Variants in PTGER3 observed in about 807,000 individuals in gnomAD.
PTGER3 encodes prostaglandin E2 receptor EP3 subtype.
PTGER3 carries 22 observed loss-of-function variants against 34.7 expected under a neutral mutation model. That is an observed-to-expected ratio of 0.63 (90% CI 0.45 to 0.91). The LOEUF (loss-of-function observed/expected upper bound fraction) is 0.91. Among genes scored for constraint, PTGER3 ranks in the 40% least tolerant of loss-of-function variants. The pLI is 0.00. For missense variants in PTGER3, 468 were observed against 519.4 expected (o/e 0.90, Z 0.96); for synonymous variants, 241 against 230.1 (o/e 1.05, Z -0.43).
chr1:70,864,752 A>G (rs1305135550), intron 4 of PTGER3, among the ~76,000 whole-genome samples: 1 of 152,206 alleles, frequency 6.6e-6, no homozygotes, highest in East Asian at 1.9e-4. Context: ...CTGGACAACA[A>G]TTTTATGAGG....
At chr1:70,854,091 C>A (rs1288631740) in intron 4 of PTGER3, among the ~76,000 whole-genome samples, 4 of 152,086 alleles carry the variant, frequency 2.6e-5, no homozygotes, top group Non-Finnish European at 1.5e-5. Context: ...GACACCAAAA[C>A]CACAGGCAAT....
At chr1:71,007,446 C>G in intron 2 of PTGER3, 2 of 985,394 alleles carry the variant, frequency 2.0e-6, no homozygotes, top group Non-Finnish European at 2.4e-6. Context: ...CTTTGACAGA[C>G]AAGACCCCTG....
exon 4 of PTGER3, chr1:70,952,596 T>G: frequency 2.0e-6 from 2 of 1,018,624 alleles, no homozygotes; most frequent in South Asian, 8.9e-5. Flanking sequence ...CTTCCAGAGA[T>G]GCACTGCATT....
At chr1:70,916,625 C>T (rs1452022426) in intron 4 of PTGER3, among the ~76,000 whole-genome samples, 2 of 151,962 alleles carry the variant, frequency 1.3e-5, no homozygotes, top group Non-Finnish European at 2.9e-5. Context: ...AGAATTAACA[C>T]AGGAACAGAA....
intron 2 of PTGER3, among the ~76,000 whole-genome samples, chr1:70,977,288 T>C (rs508513): frequency 0.91 from 138,838 of 152,082 alleles, 63,467 homozygotes; most frequent in East Asian, 0.96. Context: ...CATTTGTGGA[T>C]CCTGTGCCAT....
At chr1:70,924,326 T>G (rs577470980) in intron 4 of PTGER3, among the ~76,000 whole-genome samples, 124 of 152,212 alleles carry the variant, frequency 8.1e-4, no homozygotes, top group Non-Finnish European at 1.7e-3. Context: ...TTGTCTTTAG[T>G]AAAAATGGGA....
chr1:70,871,194 T>C (rs1409975358), intron 4 of PTGER3, among the ~76,000 whole-genome samples: 1 of 152,172 alleles, frequency 6.6e-6, no homozygotes, highest in Non-Finnish European at 1.5e-5. Flanking sequence ...AGGGAGCTTT[T>C]ACTCATGGTG....
intron 2 of PTGER3, among the ~76,000 whole-genome samples, chr1:70,965,309 A>G (rs771035093): frequency 3.3e-5 from 5 of 152,228 alleles, no homozygotes; most frequent in Non-Finnish European, 7.3e-5. Context: ...TTAACAAAAC[A>G]TAACTCTGGC....
chr1:70,905,640 T>C (rs1403407765), intron 4 of PTGER3, among the ~76,000 whole-genome samples: 1 of 152,158 alleles, frequency 6.6e-6, no homozygotes, highest in East Asian at 1.9e-4. Flanking sequence ...TTTGTTTCAT[T>C]GGGAGTGGCT....
intron 2 of PTGER3, among the ~76,000 whole-genome samples, chr1:71,002,591 G>A (rs988710935): frequency 6.6e-6 from 1 of 152,136 alleles, no homozygotes; most frequent in African/African-American, 2.4e-5. Context: ...ATAGTCACAG[G>A]GATATTCAAA....
rs1403490766 is a variant in PTGER3 at position 70,888,933 on chromosome 1, T to C, written c.*24-36074A>G. On this transcript the variant is annotated intron_variant, in intron 4 of 4. Coordinates refer to the PTGER3 transcript ENST00000370931. ...ATAACAATTTGCAGCAGCCCTGAGA[T>C]AGGGTGGGCCATAGTGCACAGCAGG... Among the ~76,000 whole-genome samples, 5 of 152,164 alleles carry C rather than the reference T, an allele frequency of 3.3e-5. No individual in the cohort carries two copies. The East Asian group carries it at 9.6e-4, about 29-fold the overall frequency.
chr1:70,943,517 A>T (rs940629512), intron 4 of PTGER3, among the ~76,000 whole-genome samples: 9 of 152,146 alleles, frequency 5.9e-5, no homozygotes, highest in African/African-American at 2.2e-4. Flanking sequence ...CTGTCAGTAA[A>T]GTTGGTTGTG....
At chr1:71,030,659 A>T (rs1027810719) in intron 1 of PTGER3, among the ~76,000 whole-genome samples, 4 of 152,180 alleles carry the variant, frequency 2.6e-5, no homozygotes, top group Non-Finnish European at 4.4e-5. Context: ...TGGTGAATGG[A>T]ATCATTTAAC....
chr1:71,014,248 C>T (rs1259078333), intron 1 of PTGER3, among the ~76,000 whole-genome samples: 1 of 152,068 alleles, frequency 6.6e-6, no homozygotes, highest in African/African-American at 2.4e-5. Context: ...ATTCAACATC[C>T]CTGAGCATCC....
chr1:70,964,314 G>A (rs1034289102), intron 2 of PTGER3, among the ~76,000 whole-genome samples: 5 of 152,060 alleles, frequency 3.3e-5, no homozygotes, highest in Non-Finnish European at 7.4e-5. Context: ...ATTCTCAGGT[G>A]CCCTTTATAG....
At chr1:70,994,543 C>T (rs934473868) in intron 2 of PTGER3, among the ~76,000 whole-genome samples, 4 of 152,014 alleles carry the variant, frequency 2.6e-5, no homozygotes, top group South Asian at 4.1e-4. Context: ...CTGCAACCTC[C>T]GCCTCCTGGG....
At chr1:70,938,430 A>G (rs1333792408) in intron 4 of PTGER3, among the ~76,000 whole-genome samples, 3 of 152,200 alleles carry the variant, frequency 2.0e-5, no homozygotes, top group East Asian at 1.9e-4. Context: ...AAAATACTCA[A>G]TGATAATGCT....
chr1:70,958,954 T>C (rs1651639600), intron 2 of PTGER3, among the ~76,000 whole-genome samples: 1 of 152,212 alleles, frequency 6.6e-6, no homozygotes. Context: ...CAATGTGTGT[T>C]CTTGGCATCT....
rs921140416 is a variant in PTGER3, at chr1:70,971,659, C to T, written c.*71G>A. ...CAAATTAAAATATATAATTATCCTTCTCAGGTGGGAAGAAATATGCAAATT... is the reference window on the plus strand; with the variant it reads ...CAAATTAAAATATATAATTATCCTTTTCAGGTGGGAAGAAATATGCAAATT... On this transcript the variant is annotated 3_prime_UTR_variant, in exon 4 of 4. Coordinates refer to ENST00000306666, the MANE Select transcript of PTGER3 (RefSeq NM_198719.2). 1 of 1,506,650 alleles carries T rather than the reference C, an allele frequency of 6.6e-7. No individual in the cohort carries two copies. Among genetic ancestry groups the T allele is most frequent in the Non-Finnish European group, 8.9e-7 (1 of 1,129,838 alleles). 93.3% of individuals were successfully genotyped at this position (1,506,650 alleles called of 1,614,324 possible).
Sources: gnomAD v4.1 joint callset for allele counts (sites outside exome capture counted in the v4.1 genomes callset) on GRCh38, gnomAD v4.1.1 for gene constraint, MANE v1.5 for transcripts, NCBI Gene and HGNC (gene_info 2026-07-23, HGNC 2026-07-21) for gene names.